GNA11: variants seen among roughly 807,000 people sequenced by gnomAD.
The protein encoded by GNA11 is G protein subunit alpha 11.
Under a neutral mutation model 38.2 loss-of-function variants are expected in GNA11, and 8 were observed. That is an observed-to-expected ratio of 0.21 (90% CI 0.12 to 0.38). The LOEUF is 0.38. GNA11 is among the 10% of genes least tolerant of loss of function. The probability of loss-of-function intolerance (pLI) is 1.00; values close to 1 mark genes in which losing one functional copy is unlikely to be tolerated. For missense variants in GNA11, 268 were observed against 516.3 expected, an observed-to-expected ratio of 0.52 and a Z score of 4.66; for synonymous variants, 211 against 221.4, an observed-to-expected ratio of 0.95 and a Z score of 0.42.
chr19:3,103,151 A>T (rs543494339), intron 1 of GNA11, among the ~76,000 whole-genome samples: 3 of 152,264 alleles, frequency 2.0e-5, no homozygotes, highest in African/African-American at 7.2e-5. Context: ...CCCAGGTCTC[A>T]GCCCTGCCAC....
At chr19:3,095,570 T>C (rs944789730) in intron 1 of GNA11, among the ~76,000 whole-genome samples, 13 of 150,772 alleles carry the variant, frequency 8.6e-5, no homozygotes, top group African/African-American at 3.2e-4. Context: ...ATCCCCACAT[T>C]CCCTTCAGGG....
intron 3 of GNA11, 115 bp from the exon 4 acceptor site, chr19:3,114,829 G>A (rs1913866390): frequency 1.0e-6 from 1 of 998,904 alleles, no homozygotes; most frequent in Non-Finnish European, 1.5e-6. Flanking sequence ...GTGGCGCAGT[G>A]CGCGGTCCAC....
In GNA11 at chr19:3,108,771, G is replaced by T. The variant is rs531222028; in HGVS notation, c.137-1378G>T. Among the ~76,000 whole-genome samples the T allele has an allele frequency of 2.0e-5, 3 of 152,200 alleles. No homozygotes were observed. Among genetic ancestry groups the T allele is most frequent in the Admixed American group, 6.5e-5 (1 of 15,284 alleles). ...CACTTTGTTGAGTGATCCTGGCTTG[G>T]GGTCTCTCAGAAGTTGTAGTCAGGA... On this transcript the variant is annotated intron_variant, in intron 1 of 6. Transcript: ENST00000078429. This position sits in a 1 kb window ranked among gnomAD's most constrained non-coding sequence, Gnocchi z 4.5.
intron 4 of GNA11, chr19:3,117,984 T>G (rs1047258796): frequency 6.6e-6 from 1 of 152,234 alleles, no homozygotes. Context: ...GCACACCCAC[T>G]GTCCTCCCGC....
intron 2 of GNA11, among the ~76,000 whole-genome samples, chr19:3,112,856 G>A (rs561996389): frequency 2.0e-5 from 3 of 152,264 alleles, no homozygotes; most frequent in African/African-American, 4.8e-5. Flanking sequence ...AGGCGATGCC[G>A]CTGGTTGCAA....
In GNA11 at chr19:3,113,326, G is replaced by A. The variant is rs368216758; in HGVS notation, c.322-4G>A. On this transcript the variant is annotated splice_region_variant and splice_polypyrimidine_tract_variant and intron_variant, in intron 2 of 6. Transcript: ENST00000078429. ...CTCGACGTCTCCCCTGCCCGCCCTCGCAGGCCAATGCGCTCCTGATCCGGG... is the reference window on the plus strand; with the variant it reads ...CTCGACGTCTCCCCTGCCCGCCCTCACAGGCCAATGCGCTCCTGATCCGGG... 26 of 1,608,106 alleles carry A rather than the reference G, an allele frequency of 1.6e-5. No homozygotes were observed. The highest frequency in any genetic ancestry group is 2.0e-5 in the Non-Finnish European group (23 of 1,179,048).
chr19:3,118,936 G>A lies in GNA11; in HGVS notation c.618G>A (p.Val206=), dbSNP rs751616481. Residue 206 remains valine, a synonymous_variant, in exon 5 of 7, where the codon GTG becomes GTA. Transcript: ENST00000078429. ...LENIIFRMVD[V]GGQRSERRKW... ...TGTGTCCTTTCAGGATGGTGGATGT[G>A]GGGGGCCAGCGGTCGGAGCGGAGGA... 6.2e-7 allele frequency: 1 copy of A among 1,613,614 alleles called. No homozygotes were observed. Among genetic ancestry groups the A allele is most frequent in the South Asian group, 1.1e-5 (1 of 91,080 alleles).
intron 1 of GNA11, among the ~76,000 whole-genome samples, chr19:3,096,552 C>T (rs548729082): frequency 4.6e-5 from 7 of 152,316 alleles, no homozygotes; most frequent in Admixed American, 2.0e-4. Context: ...GAGATTGACA[C>T]GGGGTTCAAG....
chr19:3,111,327 C>T (rs1015228419), intron 2 of GNA11, among the ~76,000 whole-genome samples: 2 of 152,206 alleles, frequency 1.3e-5, no homozygotes, highest in Non-Finnish European at 2.9e-5. Context: ...TCACTCCCAC[C>T]CCCTCCTCCA....
At chr19:3,104,704 A>T (rs1401172461) in intron 1 of GNA11, among the ~76,000 whole-genome samples, 1 of 152,098 alleles carries the variant, frequency 6.6e-6, no homozygotes. Context: ...GGGGCTAGGG[A>T]TGCAGGTGGG....
At position 3,108,998 on chromosome 19, in the gene GNA11, G is replaced by A. The variant is rs1164634929; in HGVS notation, c.137-1151G>A. ...CTGACCCGAGACTGAGGGCAAGGAGGAAGGCCTGTGCCTTTTGTGAACTGG... is the reference window on the plus strand; with the variant it reads ...CTGACCCGAGACTGAGGGCAAGGAGAAAGGCCTGTGCCTTTTGTGAACTGG... On this transcript the variant is annotated intron_variant, in intron 1 of 6. Coordinates refer to ENST00000078429, the MANE Select transcript of GNA11 (RefSeq NM_002067.5). This position sits in a 1 kb window ranked among gnomAD's most constrained non-coding sequence, Gnocchi z 4.5. 6.6e-6 allele frequency among the ~76,000 whole-genome samples: 1 copy of A among 152,230 alleles called. No individual in the cohort carries two copies. The highest frequency in any genetic ancestry group is 1.5e-5 in the Non-Finnish European group (1 of 68,038).
chr19:3,108,917 C>T lies in GNA11; in HGVS notation c.137-1232C>T, dbSNP rs1387627326. ...CCTCAGTTCCTCACCACGTGGGCCT[C>T]TCCGTGAAGCTGCTTGAGGGTCCTC... On this transcript the variant is annotated intron_variant, in intron 1 of 6. Transcript: ENST00000078429. The surrounding 1 kb of genome is among the most constrained non-coding windows in gnomAD (Gnocchi z 4.5). Among the ~76,000 whole-genome samples, 1 of 152,174 alleles carries T rather than the reference C, an allele frequency of 6.6e-6. No individual in the cohort carries two copies. The highest frequency in any genetic ancestry group is 1.5e-5 in the Non-Finnish European group (1 of 68,026).
At chr19:3,097,656 C>T (rs1024491671) in intron 1 of GNA11, among the ~76,000 whole-genome samples, 22 of 152,360 alleles carry the variant, frequency 1.4e-4, no homozygotes, top group South Asian at 4.1e-4. Context: ...TTCCGTGCCC[C>T]GTTTTCGGGG....
chr19:3,115,162 G>C, intron 4 of GNA11, 90 bp downstream of exon 4: 1 of 1,444,438 alleles, frequency 6.9e-7, no homozygotes, highest in African/African-American at 1.4e-5. Context: ...CCAGTGCTTT[G>C]GGAGGCCAAG....
rs1914012260 is a variant in GNA11, at chr19:3,119,438, T to C, written c.889+79T>C. 2 of 1,362,438 alleles carry C rather than the reference T, an allele frequency of 1.5e-6. No homozygotes were observed. Among genetic ancestry groups the C allele is most frequent in the Admixed American group, 1.9e-5 (1 of 53,782 alleles). 84.4% of individuals were successfully genotyped at this position (1,362,438 alleles called of 1,614,324 possible). A position where few individuals can be genotyped will look rare whatever the true frequency, so the allele number is the denominator to read the frequency against. On this transcript the variant is annotated intron_variant, in intron 6 of 6. Coordinates refer to ENST00000078429, the MANE Select transcript of GNA11 (RefSeq NM_002067.5). The surrounding 1 kb of genome is among the most constrained non-coding windows in gnomAD (Gnocchi z 4.6). ...GAGGGGGCTGATATGGGAGAGGGGC[T>C]CATACAGGCCGGGAGCTCTAAGGGA...
intron 1 of GNA11, among the ~76,000 whole-genome samples, chr19:3,106,148 G>A (rs1170869932): frequency 3.9e-5 from 6 of 152,308 alleles, no homozygotes; most frequent in African/African-American, 1.4e-4. Flanking sequence ...TTGGGGCTGT[G>A]GCTTTGGGGC....
intron 2 of GNA11, among the ~76,000 whole-genome samples, chr19:3,112,601 G>A (rs1464900572): frequency 1.3e-5 from 2 of 152,246 alleles, no homozygotes; most frequent in African/African-American, 2.4e-5. Flanking sequence ...GTGTCTGTGC[G>A]GTTGGCCTTC....
At chr19:3,114,034 C>T (rs892742246) in intron 3 of GNA11, among the ~76,000 whole-genome samples, 1 of 152,128 alleles carries the variant, frequency 6.6e-6, no homozygotes, top group African/African-American at 2.4e-5. Context: ...GCAGGCTGTG[C>T]ACTGCTGCCC....
rs569400256 is a variant in GNA11 at position 3,123,240 on chromosome 19, G to C, written c.*2061G>C. On this transcript the variant is annotated 3_prime_UTR_variant, in exon 7 of 7. Coordinates refer to ENST00000078429, the MANE Select transcript of GNA11 (RefSeq NM_002067.5). ...CCCAGCACGCAGGCCGGGGCGCTGC[G>C]GGGCTAAGTATTAGGCCTTCCCAGG... 385 of 233,334 alleles carry C rather than the reference G, an allele frequency of 1.6e-3. 2 individuals carry two copies. Among genetic ancestry groups the C allele is most frequent in the African/African-American group, 8.2e-3 (372 of 45,470 alleles). 14.5% of individuals were successfully genotyped at this position (233,334 alleles called of 1,614,324 possible).
Sources: gnomAD v4.1 joint callset for allele counts (sites outside exome capture counted in the v4.1 genomes callset) on GRCh38, gnomAD v4.1.1 for gene constraint, Gnocchi (gnomAD v3.1) non-coding constraint, MANE v1.5 for transcripts, NCBI Gene and HGNC (gene_info 2026-07-23, HGNC 2026-07-21) for gene names.